Variants in PSD3 observed in about 807,000 individuals in gnomAD.
PSD3 encodes the protein pleckstrin and Sec7 domain containing 3.
Under a neutral mutation model 105.5 loss-of-function variants are expected in PSD3, and 49 were observed. The observed-to-expected ratio is 0.46, with a 90% CI of 0.37 to 0.59. The LOEUF (loss-of-function observed/expected upper bound fraction) is 0.59. Among genes scored for constraint, PSD3 ranks in the 20% least tolerant of loss-of-function variants. The pLI is 0.00. For missense variants in PSD3, 1,561 were observed against 1,263.8 expected, an observed-to-expected ratio of 1.24 and a Z score of -3.57; for synonymous variants, 557 against 457.8, an observed-to-expected ratio of 1.22 and a Z score of -2.77.
intron 15 of PSD3, among the ~76,000 whole-genome samples, chr8:18,546,618 T>A (rs983868873): frequency 6.6e-6 from 1 of 152,208 alleles, no homozygotes; most frequent in East Asian, 1.9e-4. Flanking sequence ...ACCTGTTTCA[T>A]CTATTTATTC....
chr8:18,614,972 G>A (rs1398234208), intron 11 of PSD3, among the ~76,000 whole-genome samples: 1 of 152,076 alleles, frequency 6.6e-6, no homozygotes, highest in Non-Finnish European at 1.5e-5. Flanking sequence ...GAAGGAATAT[G>A]CTGGAGAACT....
chr8:18,965,433 T>C (rs57280217), intron 1 of PSD3, among the ~76,000 whole-genome samples: 49,863 of 152,062 alleles, frequency 0.33, 8,891 homozygotes, highest in Non-Finnish European at 0.41. Context: ...GGTAAGGCCT[T>C]GTTCTCTCAT....
intron 9 of PSD3, among the ~76,000 whole-genome samples, chr8:18,752,492 A>AATATATATAAT (rs1554489377): frequency 5.6e-5 from 1 of 17,802 alleles, no homozygotes; most frequent in Non-Finnish European, 1.5e-4. Flanking sequence ...TTATATATAT[A>AATATATATAAT]ATATATATAA....
intron 12 of PSD3, among the ~76,000 whole-genome samples, chr8:18,595,440 G>GAA (rs1491226059): frequency 1.0e-4 from 1 of 9,834 alleles, no homozygotes; most frequent in African/African-American, 1.8e-4. Flanking sequence ...TGAATGTATT[G>GAA]AGAGAGAGAG....
At chr8:18,609,046 A>G (rs1805065213) in intron 11 of PSD3, among the ~76,000 whole-genome samples, 1 of 152,184 alleles carries the variant, frequency 6.6e-6, no homozygotes, top group Non-Finnish European at 1.5e-5. Context: ...ATAGAAAGTC[A>G]TAATATGGAT....
At chr8:18,824,212 T>C (rs1177667982) in intron 4 of PSD3, among the ~76,000 whole-genome samples, 1 of 152,184 alleles carries the variant, frequency 6.6e-6, no homozygotes, top group Non-Finnish European at 1.5e-5. Context: ...ACCCAGGCTA[T>C]GTCAATTTTC....
In PSD3 at chr8:18,834,161, G is replaced by C. The variant is rs74889623; in HGVS notation, c.1635-29263C>G. 7.3e-4 allele frequency among the ~76,000 whole-genome samples: 111 copies of C among 152,268 alleles called. 1 individual carries two copies. The East Asian group carries it at 0.02, about 28-fold the overall frequency. ...AATTCAAAGAGCACATGAAAGATAAGAATGTAGAGAACTTGAAGAAAATAT... is the reference window on the plus strand; with the variant it reads ...AATTCAAAGAGCACATGAAAGATAACAATGTAGAGAACTTGAAGAAAATAT... On this transcript the variant is annotated intron_variant, in intron 4 of 15. Transcript: ENST00000327040.
chr8:18,680,076 A>C (rs1162534329), intron 9 of PSD3, among the ~76,000 whole-genome samples: 1 of 152,238 alleles, frequency 6.6e-6, no homozygotes, highest in Non-Finnish European at 1.5e-5. Context: ...ATGGGGAAGA[A>C]AAGAGTGTTT....
chr8:19,002,250 G>C (rs1826440795), intron 1 of PSD3, among the ~76,000 whole-genome samples: 1 of 151,932 alleles, frequency 6.6e-6, no homozygotes, highest in Non-Finnish European at 1.5e-5. Context: ...AACTTTCCCA[G>C]CCTAAAGACC....
chr8:18,590,599 C>T (rs1803527041), intron 12 of PSD3, among the ~76,000 whole-genome samples: 1 of 152,136 alleles, frequency 6.6e-6, no homozygotes, highest in African/African-American at 2.4e-5. Context: ...CAGTTCCTAC[C>T]ATGTGCCCCA....
At chr8:19,021,508 G>A (rs954617150) in intron 1 of PSD3, among the ~76,000 whole-genome samples, 1 of 151,198 alleles carries the variant, frequency 6.6e-6, no homozygotes, top group Admixed American at 6.6e-5. Flanking sequence ...TCAATATACA[G>A]GTTTCCAAGC....
intron 11 of PSD3, among the ~76,000 whole-genome samples, chr8:18,629,865 G>C (rs1381728506): frequency 6.6e-6 from 1 of 151,812 alleles, no homozygotes; most frequent in African/African-American, 2.4e-5. Context: ...TAAATTATTA[G>C]AAACCATGCA....
chr8:18,667,500 T>G (rs567970741), intron 9 of PSD3, among the ~76,000 whole-genome samples: 24 of 152,320 alleles, frequency 1.6e-4, no homozygotes, highest in Admixed American at 6.5e-4. Flanking sequence ...GAGTGCCCAC[T>G]GGTGCCTCCA....
In PSD3 at chr8:18,618,211, T is replaced by C. The variant is rs1805840401; in HGVS notation, c.2410+14402A>G. 2.6e-5 allele frequency among the ~76,000 whole-genome samples: 4 copies of C among 151,808 alleles called. No individual in the cohort carries two copies. In the South Asian group the frequency reaches 8.4e-4, roughly 32 times the overall value. On this transcript the variant is annotated intron_variant, in intron 11 of 15. Transcript: ENST00000327040. Reference sequence around the variant, plus strand: ...GAAATCTTTCAATCCGTCTATGACCTGGAAGCCCCTGCTTCCAGGTGTCCT... The same window carrying C: ...GAAATCTTTCAATCCGTCTATGACCCGGAAGCCCCTGCTTCCAGGTGTCCT...
chr8:18,666,922 G>A (rs1190531028), intron 9 of PSD3, among the ~76,000 whole-genome samples: 1 of 152,100 alleles, frequency 6.6e-6, no homozygotes, highest in African/African-American at 2.4e-5. Context: ...GACTTCCCTC[G>A]CGGTCAGTGT....
intron 9 of PSD3, among the ~76,000 whole-genome samples, chr8:18,702,757 T>C (rs1299360869): frequency 6.6e-6 from 1 of 151,960 alleles, no homozygotes. Flanking sequence ...GGACTACCGG[T>C]GCCCGCCATC....
chr8:18,846,251 T>C (rs889560267), intron 4 of PSD3, among the ~76,000 whole-genome samples: 2 of 152,184 alleles, frequency 1.3e-5, no homozygotes, highest in Non-Finnish European at 2.9e-5. Flanking sequence ...AATATTTCTC[T>C]AGAGAAACAG....
At chr8:18,584,124 GT>G (rs1343352633) in intron 12 of PSD3, among the ~76,000 whole-genome samples, 1 of 152,166 alleles carries the variant, frequency 6.6e-6, no homozygotes, top group Non-Finnish European at 1.5e-5. Context: ...AAATCTCAAA[GT>G]TTATGTACTC....
chr8:18,812,545 G>C (rs943717859), intron 4 of PSD3, among the ~76,000 whole-genome samples: 1 of 152,156 alleles, frequency 6.6e-6, no homozygotes, highest in South Asian at 2.1e-4. Flanking sequence ...AGGGGCTATA[G>C]GTCCCGGAGG....
Sources: allele counts gnomAD v4.1 joint callset (sites outside exome capture counted in the v4.1 genomes callset), GRCh38; gene constraint gnomAD v4.1.1; transcripts MANE v1.5; gene names NCBI Gene and HGNC (gene_info 2026-07-23, HGNC 2026-07-21).